The following EFHC2 variants were observed in gnomAD, a reference collection of about 807,000 sequenced individuals.
The protein encoded by EFHC2 is EF-hand domain containing 2.
Under a neutral mutation model 52.7 loss-of-function variants are expected in EFHC2, and 18 were observed. The observed-to-expected ratio is 0.34, with a 90% CI of 0.24 to 0.51. EFHC2 has a LOEUF of 0.51. Among genes scored for constraint, EFHC2 ranks in the 20% least tolerant of loss-of-function variants. The pLI, the probability that EFHC2 is intolerant of heterozygous loss-of-function variation, is 0.97. For missense variants in EFHC2, 513 were observed against 562.5 expected, an observed-to-expected ratio of 0.91 and a Z score of 0.89; for synonymous variants, 203 against 204.1, an observed-to-expected ratio of 0.99 and a Z score of 0.04.
intron 11 of EFHC2, among the ~76,000 whole-genome samples, chrX:44,217,354 A>G (rs2037159638): frequency 8.9e-6 from 1 of 111,886 alleles, no homozygotes; most frequent in Non-Finnish European, 1.9e-5. Flanking sequence ...CATGTGATCC[A>G]GCAATCTCAC....
chrX:44,229,719 T>C lies in EFHC2; in HGVS notation c.1681A>G (p.Arg561Gly), dbSNP rs759436198. Residue 561 changes from arginine to glycine, a missense_variant, in exon 11 of 15, where the codon AGA becomes GGA. Arg to Gly is a moderately radical substitution (Grantham distance 125). Transcript: ENST00000420999. ...GCTTTAAATACCTGCTTGAGCTCTCTGGATTTTCCTTCTTCTTGCTTCAGC... is the reference window on the plus strand; with the variant it reads ...GCTTTAAATACCTGCTTGAGCTCTCCGGATTTTCCTTCTTCTTGCTTCAGC... ...QKLKQEEGKS[R>G]ELKQVFKAAD... 1.2e-5 allele frequency: 15 copies of C among 1,210,732 alleles called. No homozygotes were observed. In the South Asian group the frequency reaches 2.6e-4, roughly 21 times the overall value.
At chrX:44,209,336 A>C (rs1023382998) in intron 11 of EFHC2, among the ~76,000 whole-genome samples, 2 of 110,678 alleles carry the variant, frequency 1.8e-5, no homozygotes, top group African/African-American at 6.6e-5. Flanking sequence ...GCAATAAAGC[A>C]AGCAAAAAGA....
intron 11 of EFHC2, among the ~76,000 whole-genome samples, chrX:44,189,184 A>G (rs971278044): frequency 9.1e-6 from 1 of 110,266 alleles, no homozygotes; most frequent in African/African-American, 3.3e-5. Context: ...GAAGCTGTAC[A>G]AAGTGTTAAT....
chrX:44,221,360 A>G (rs774037174), intron 11 of EFHC2, among the ~76,000 whole-genome samples: 1 of 111,663 alleles, frequency 9.0e-6, no homozygotes, highest in South Asian at 3.8e-4. Context: ...GGCATTTTCT[A>G]GTTGACTGTC....
chrX:44,182,798 T>C (rs777785657), intron 11 of EFHC2, among the ~76,000 whole-genome samples: 60 of 112,120 alleles, frequency 5.4e-4, no homozygotes, highest in Non-Finnish European at 7.7e-4. Context: ...AACATTGCAC[T>C]ACATTCCTGG....
Position 44,310,609 on chromosome X carries a change from A to G in EFHC2, c.231+1959T>C, listed in dbSNP as rs1181891210. 5 of 264,132 alleles carry G rather than the reference A, an allele frequency of 1.9e-5. No homozygotes were observed. In the East Asian group the frequency reaches 3.6e-4, roughly 19 times the overall value. 21.8% of individuals were successfully genotyped at this position (264,132 alleles called of 1,213,427 possible). ...TTTTTGTTGAACCGCTAATGTAGAA[A>G]GCGCTTTATAATTTGCTTGGGGTAT... On this transcript the variant is annotated intron_variant, in intron 2 of 14. Transcript: ENST00000420999.
intron 1 of EFHC2, among the ~76,000 whole-genome samples, chrX:44,331,680 G>A (rs2038087526): frequency 8.9e-6 from 1 of 111,988 alleles, no homozygotes; most frequent in Non-Finnish European, 1.9e-5. Context: ...ACTTCGGGGG[G>A]CCGAGGCAGA....
At chrX:44,168,263 T>A (rs2036713257) in intron 13 of EFHC2, among the ~76,000 whole-genome samples, 1 of 112,153 alleles carries the variant, frequency 8.9e-6, no homozygotes, top group South Asian at 3.7e-4. Context: ...CCGGGCGTGG[T>A]GGCTCACGCC....
Position 44,253,550 on chromosome X carries a change from T to C in EFHC2, c.607-3105A>G, listed in dbSNP as rs1394254417. Among the ~76,000 whole-genome samples, 30 of 111,610 alleles carry C rather than the reference T, an allele frequency of 2.7e-4. No homozygotes were observed. The Admixed American group carries it at 2.8e-3, about 11-fold the overall frequency. On this transcript the variant is annotated intron_variant, in intron 4 of 14. Transcript: ENST00000420999. ...AGTCCACCACAGCTCAGCAATGATT[T>C]TGTAGCCAGACTACCTCTCTAGATT...
chrX:44,301,328 C>T (rs756285654), intron 2 of EFHC2, among the ~76,000 whole-genome samples: 13 of 109,401 alleles, frequency 1.2e-4, no homozygotes, highest in Non-Finnish European at 2.5e-4. Flanking sequence ...CCCACTCCCC[C>T]CCCGACCAAA....
chrX:44,332,129 A>G (rs963217824), intron 1 of EFHC2, among the ~76,000 whole-genome samples: 4 of 110,707 alleles, frequency 3.6e-5, no homozygotes, highest in African/African-American at 1.3e-4. Context: ...TGCCTTTTAT[A>G]AAGTTTAGGT....
chrX:44,332,327 C>T (rs2038092087), intron 1 of EFHC2, among the ~76,000 whole-genome samples: 1 of 110,687 alleles, frequency 9.0e-6, no homozygotes, highest in Non-Finnish European at 1.9e-5. Context: ...AAACTTCCCC[C>T]CACCCCCAAC....
Position 44,318,876 on chromosome X carries a change from T to C in EFHC2, c.43-6120A>G, listed in dbSNP as rs370295149. 4.4e-4 allele frequency among the ~76,000 whole-genome samples: 49 copies of C among 110,815 alleles called. 2 individuals are homozygous for C. Among genetic ancestry groups the C allele is most frequent in the Admixed American group, 2.4e-3 (25 of 10,355 alleles). On this transcript the variant is annotated intron_variant, in intron 1 of 14. Transcript: ENST00000420999. Reference sequence around the variant, plus strand: ...ATTGAACATTGTGGTCTGGATCAAATAGGCAACAAGGAGCCATTAAAGTTT... The same window carrying C: ...ATTGAACATTGTGGTCTGGATCAAACAGGCAACAAGGAGCCATTAAAGTTT...
intron 4 of EFHC2, among the ~76,000 whole-genome samples, chrX:44,250,820 A>G (rs1260680195): frequency 2.3e-5 from 2 of 87,152 alleles, no homozygotes; most frequent in East Asian, 6.8e-4. Flanking sequence ...GTGAGACTCC[A>G]TTTCGAAAAA....
intron 2 of EFHC2, among the ~76,000 whole-genome samples, chrX:44,300,836 T>C (rs2037862688): frequency 9.1e-6 from 1 of 110,417 alleles, no homozygotes; most frequent in African/African-American, 3.3e-5. Context: ...CATCACCAGG[T>C]ACAGTGGCTC....
intron 11 of EFHC2, among the ~76,000 whole-genome samples, chrX:44,192,073 T>C (rs1487860865): frequency 9.1e-6 from 1 of 109,574 alleles, no homozygotes; most frequent in Non-Finnish European, 1.9e-5. Context: ...TGTGTGTGTG[T>C]GTGTGTGTGT....
At chrX:44,164,485 G>A (rs1427946674) in intron 13 of EFHC2, among the ~76,000 whole-genome samples, 1 of 111,447 alleles carries the variant, frequency 9.0e-6, no homozygotes, top group Non-Finnish European at 1.9e-5. Flanking sequence ...TATATGTTTT[G>A]AAAAAATAAA....
At chrX:44,249,525 A>C (rs2037426364) in intron 5 of EFHC2, among the ~76,000 whole-genome samples, 1 of 110,419 alleles carries the variant, frequency 9.1e-6, no homozygotes. Context: ...GCCCAAGGTA[A>C]CACAGCTATT....
At chrX:44,267,630 A>G (rs1315772397) in intron 3 of EFHC2, among the ~76,000 whole-genome samples, 1 of 111,055 alleles carries the variant, frequency 9.0e-6, no homozygotes, top group Non-Finnish European at 1.9e-5. Flanking sequence ...CTGACCTCCA[A>G]GTTCATCTAG....
Sources: gnomAD v4.1 joint callset for allele counts (sites outside exome capture counted in the v4.1 genomes callset) on GRCh38, gnomAD v4.1.1 for gene constraint, MANE v1.5 for transcripts, NCBI Gene and HGNC (gene_info 2026-07-23, HGNC 2026-07-21) for gene names.